Variants in FARP1 observed in about 807,000 individuals in gnomAD.
FARP1 encodes FERM, ARH/RhoGEF and pleckstrin domain protein 1.
Under a neutral mutation model 128.8 loss-of-function variants are expected in FARP1, and 52 were observed. The ratio of observed to expected loss-of-function variants is 0.40; its 90% CI spans 0.32 to 0.51. The LOEUF is 0.51. Ranked by LOEUF, FARP1 falls within the 20% of genes least tolerant of loss-of-function variation. FARP1 has a pLI of 0.45. For missense variants in FARP1, 1,333 were observed against 1,367.9 expected, an observed-to-expected ratio of 0.97 and a Z score of 0.40; for synonymous variants, 580 against 551.8, an observed-to-expected ratio of 1.05 and a Z score of -0.72.
chr13:98,372,175 C>G (rs1467542322), intron 5 of FARP1, among the ~76,000 whole-genome samples: 1 of 151,034 alleles, frequency 6.6e-6, no homozygotes, highest in African/African-American at 2.4e-5. Context: ...CAACCTCCGC[C>G]TCGTAGGTTC....
At chr13:98,429,636 C>T (rs1037128666) in intron 17 of FARP1, among the ~76,000 whole-genome samples, 1 of 152,164 alleles carries the variant, frequency 6.6e-6, no homozygotes. Context: ...GGTACCCATC[C>T]TGAAGTTAGA....
chr13:98,182,113 T>C (rs1309736535), intron 1 of FARP1, among the ~76,000 whole-genome samples: 2 of 152,166 alleles, frequency 1.3e-5, no homozygotes, highest in African/African-American at 4.8e-5. Flanking sequence ...CTCCCCCTCT[T>C]TCCCAAGCTC....
At chr13:98,245,835 C>G (rs1418869596) in intron 2 of FARP1, among the ~76,000 whole-genome samples, 1 of 152,016 alleles carries the variant, frequency 6.6e-6, no homozygotes, top group African/African-American at 2.4e-5. Context: ...GTGGTGCGAT[C>G]TCGGCTCACA....
At chr13:98,325,328 C>CT (rs1050650568) in intron 2 of FARP1, among the ~76,000 whole-genome samples, 4 of 152,086 alleles carry the variant, frequency 2.6e-5, no homozygotes, top group African/African-American at 4.8e-5. Flanking sequence ...TTTTCCTTTT[C>CT]TTTTTTTGTC....
rs570782097 is a variant in FARP1, at chr13:98,212,445, G to C, written c.-23-775G>C. On this transcript the variant is annotated intron_variant, in intron 1 of 26. Transcript: ENST00000319562. ...AAAGCACTCAGCCACAGCAAGCCAC[G>C]CATGTGGAGACCTGGAGCCAGACAG... 2.0e-5 allele frequency among the ~76,000 whole-genome samples: 3 copies of C among 152,300 alleles called. No homozygotes were observed. The South Asian group carries it at 6.2e-4, about 32-fold the overall frequency.
At chr13:98,207,908 C>CCCCA (rs1555327643) in intron 1 of FARP1, among the ~76,000 whole-genome samples, 4 of 71,610 alleles carry the variant, frequency 5.6e-5, no homozygotes, top group Admixed American at 1.6e-4. Flanking sequence ...ACCACCACCT[C>CCCCA]CACACACACA....
In FARP1 at chr13:98,449,320, A is replaced by C. The variant is rs1365200528; in HGVS notation, c.*1003A>C. ...GTAGTATATATCGTGCCTGTCTTCA[A>C]AAACATTTCCCTTTTTATACTCATT... On this transcript the variant is annotated 3_prime_UTR_variant, in exon 27 of 27. Coordinates refer to ENST00000319562, the MANE Select transcript of FARP1 (RefSeq NM_005766.4). 1 of 152,218 alleles carries C rather than the reference A, an allele frequency of 6.6e-6. No individual in the cohort carries two copies. Among genetic ancestry groups the C allele is most frequent in the Non-Finnish European group, 1.5e-5 (1 of 68,044 alleles). 9.4% of individuals were successfully genotyped at this position (152,218 alleles called of 1,614,324 possible).
chr13:98,256,963 A>ATATATATATATATG (rs1883641188), intron 2 of FARP1, among the ~76,000 whole-genome samples: 2 of 119,574 alleles, frequency 1.7e-5, no homozygotes, highest in Non-Finnish European at 3.3e-5. Context: ...ATATATATAT[A>ATATATATATATATG]TATATATATA....
chr13:98,453,590 C>G lies in FARP1; in HGVS notation c.*5273C>G, dbSNP rs1246530398. ...CATTCCCGATGTGAGGGCAGGAAAC[C>G]CATTTTGGCCATAAAAATAGTGATG... On this transcript the variant is annotated 3_prime_UTR_variant, in exon 27 of 27. Transcript: ENST00000319562. 2 of 169,586 alleles carry G rather than the reference C, an allele frequency of 1.2e-5. No individual in the cohort carries two copies. Among genetic ancestry groups the G allele is most frequent in the Non-Finnish European group, 2.5e-5 (2 of 80,070 alleles). 10.5% of individuals were successfully genotyped at this position (169,586 alleles called of 1,614,324 possible).
At chr13:98,400,530 G>C (rs185005315) in intron 13 of FARP1, 1 of 152,216 alleles carries the variant, frequency 6.6e-6, no homozygotes, top group Non-Finnish European at 1.5e-5. Context: ...AGCTGTTAGT[G>C]AGTAATTGCG....
At chr13:98,242,408 G>A (rs1352371522) in intron 2 of FARP1, among the ~76,000 whole-genome samples, 1 of 152,176 alleles carries the variant, frequency 6.6e-6, no homozygotes, top group African/African-American at 2.4e-5. Flanking sequence ...AGATGCAGTG[G>A]CTTATGCCTG....
chr13:98,194,936 G>A (rs758783444), intron 1 of FARP1, among the ~76,000 whole-genome samples: 8 of 152,194 alleles, frequency 5.3e-5, no homozygotes, highest in Non-Finnish European at 1.0e-4. Flanking sequence ...TATTCAGAAT[G>A]TGCTTGGACT....
intron 2 of FARP1, among the ~76,000 whole-genome samples, chr13:98,284,640 A>G (rs1885081712): frequency 3.9e-5 from 1 of 25,482 alleles, no homozygotes; most frequent in African/African-American, 2.1e-4. Context: ...CCAAATGCCC[A>G]GTCTCAAGTA....
chr13:98,391,861 A>G (rs1890317368), intron 11 of FARP1, among the ~76,000 whole-genome samples: 1 of 152,222 alleles, frequency 6.6e-6, no homozygotes, highest in African/African-American at 2.4e-5. Context: ...AGGGTAAAGG[A>G]GCGGAGGATA....
At chr13:98,439,220 C>T (rs1396110372) in intron 21 of FARP1, 24 bp downstream of exon 21, 4 of 1,554,378 alleles carry the variant, frequency 2.6e-6, no homozygotes, top group East Asian at 4.5e-5. Flanking sequence ...AGGCTCGTGG[C>T]CAGGGCCTGT....
chr13:98,217,872 C>A (rs1478311376), intron 2 of FARP1, among the ~76,000 whole-genome samples: 1 of 152,210 alleles, frequency 6.6e-6, no homozygotes, highest in African/African-American at 2.4e-5. Context: ...GACAGTTCTG[C>A]TCGGTCGTTT....
chr13:98,332,177 C>A (rs1191312905), intron 2 of FARP1, among the ~76,000 whole-genome samples: 1 of 152,070 alleles, frequency 6.6e-6, no homozygotes, highest in Non-Finnish European at 1.5e-5. Context: ...GTCTCCAGAA[C>A]TTTTTCATCT....
intron 1 of FARP1, among the ~76,000 whole-genome samples, chr13:98,161,963 G>A (rs563861464): frequency 6.6e-6 from 1 of 152,016 alleles, no homozygotes; most frequent in South Asian, 2.1e-4. Context: ...GAATTTTTTT[G>A]TAGAGACAGA....
chr13:98,386,208 T>C lies in FARP1; in HGVS notation c.759+394T>C, dbSNP rs2772355. ...GATCCTTTTTTTTTTTTTTTTTTTT[T>C]CAAACACAGTTTGGCTTGAGCCAGC... On this transcript the variant is annotated intron_variant, in intron 8 of 26. Transcript: ENST00000319562. Among the ~76,000 whole-genome samples the C allele has an allele frequency of 6.1e-3, 891 of 146,052 alleles. 8 individuals carry two copies. Among genetic ancestry groups the C allele is most frequent in the African/African-American group, 0.019 (742 of 38,624 alleles).
Sources: allele counts gnomAD v4.1 joint callset (sites outside exome capture counted in the v4.1 genomes callset), GRCh38; gene constraint gnomAD v4.1.1; transcripts MANE v1.5; gene names NCBI Gene and HGNC (gene_info 2026-07-23, HGNC 2026-07-21).